ACSS3: variants seen among roughly 807,000 people sequenced by gnomAD.
The protein encoded by ACSS3 is acyl-CoA synthetase short-chain family member 3, mitochondrial.
Under a neutral mutation model 84.2 loss-of-function variants are expected in ACSS3, and 64 were observed. The ratio of observed to expected loss-of-function variants is 0.76; its 90% CI spans 0.62 to 0.94. The LOEUF (loss-of-function observed/expected upper bound fraction) is 0.94. ACSS3 is among the 40% of genes least tolerant of loss of function. The pLI is 0.00. For synonymous variants in ACSS3, 317 were observed against 310.1 expected (o/e 1.02, Z -0.23); for missense variants, 815 against 867.6 (o/e 0.94, Z 0.76).
intron 5 of ACSS3, among the ~76,000 whole-genome samples, chr12:81,150,624 A>G (rs1229313880): frequency 6.6e-6 from 1 of 152,218 alleles, no homozygotes; most frequent in African/African-American, 2.4e-5. Flanking sequence ...ATAGCTCTCA[A>G]ATACCAACAA....
chr12:81,213,996 TTTCTTTCTTTC>T (rs2032800024), intron 9 of ACSS3, among the ~76,000 whole-genome samples: 1 of 116,690 alleles, frequency 8.6e-6, no homozygotes, highest in African/African-American at 3.4e-5. Flanking sequence ...TCTTTCTTTC[TTTCTTTCTTTC>T]ATCTGTCTGT....
At chr12:81,102,978 TA>T (rs1250833914) in intron 1 of ACSS3, among the ~76,000 whole-genome samples, 1 of 152,230 alleles carries the variant, frequency 6.6e-6, no homozygotes, top group Non-Finnish European at 1.5e-5. Flanking sequence ...ACACATGTGT[TA>T]GATTGTGGGA....
intron 1 of ACSS3, among the ~76,000 whole-genome samples, chr12:81,107,425 G>A (rs1883105825): frequency 6.9e-6 from 1 of 145,902 alleles, no homozygotes; most frequent in Non-Finnish European, 1.5e-5. Context: ...TAAAGGAAAA[G>A]AGAATAATGA....
rs151073811 is a variant in ACSS3 at position 81,194,841 on chromosome 12, G to A, written c.1251-4500G>A. Among the ~76,000 whole-genome samples the A allele has an allele frequency of 1.0e-3, 151 of 148,174 alleles. 4 individuals are homozygous for A. The South Asian group carries it at 0.026, about 26-fold the overall frequency. On this transcript the variant is annotated intron_variant, in intron 8 of 15. Transcript: ENST00000548058. ...ACTTAGATTAATTGTAGTTTGTGTG[G>A]TAGAGACTGGGGGATAGTCAAAAAA...
chr12:81,092,723 T>C (rs1881748867), intron 1 of ACSS3, among the ~76,000 whole-genome samples: 1 of 152,146 alleles, frequency 6.6e-6, no homozygotes, highest in Non-Finnish European at 1.5e-5. Flanking sequence ...AATGAGATCT[T>C]CGATAATTGA....
chr12:81,134,324 A>G (rs1243402688), intron 2 of ACSS3, among the ~76,000 whole-genome samples: 2 of 152,088 alleles, frequency 1.3e-5, no homozygotes, highest in Non-Finnish European at 2.9e-5. Context: ...TATTTGCTTT[A>G]TTAGTGTTTA....
intron 8 of ACSS3, among the ~76,000 whole-genome samples, chr12:81,191,607 G>A (rs1457855568): frequency 6.6e-6 from 1 of 152,160 alleles, no homozygotes; most frequent in Non-Finnish European, 1.5e-5. Flanking sequence ...TCAATTTCCT[G>A]TGATGCAGAC....
chr12:81,159,758 A>C (rs1887060409), intron 7 of ACSS3, among the ~76,000 whole-genome samples: 1 of 152,246 alleles, frequency 6.6e-6, no homozygotes, highest in Admixed American at 6.5e-5. Context: ...AAACAAATTT[A>C]GCTAACAGCC....
chr12:81,127,922 TC>T (rs1885216466), intron 2 of ACSS3, among the ~76,000 whole-genome samples: 1 of 152,168 alleles, frequency 6.6e-6, no homozygotes, highest in Non-Finnish European at 1.5e-5. Flanking sequence ...GAGCATCTGG[TC>T]ACAAAGTTAT....
At chr12:81,100,047 G>A (rs12301355) in intron 1 of ACSS3, among the ~76,000 whole-genome samples, 8,058 of 152,122 alleles carry the variant, frequency 0.053, 347 homozygotes, top group African/African-American at 0.11. Flanking sequence ...TAGAATGGGT[G>A]AAGTTAACAT....
intron 7 of ACSS3, among the ~76,000 whole-genome samples, chr12:81,173,431 A>G (rs1458284760): frequency 6.6e-6 from 1 of 152,200 alleles, no homozygotes; most frequent in East Asian, 1.9e-4. Flanking sequence ...AAGCAATAGA[A>G]CATAAAACAG....
intron 1 of ACSS3, among the ~76,000 whole-genome samples, chr12:81,102,224 A>G (rs1213540778): frequency 6.6e-6 from 1 of 152,150 alleles, no homozygotes; most frequent in Admixed American, 6.5e-5. Context: ...TTTGGTTACT[A>G]AAATCCTTCT....
intron 1 of ACSS3, among the ~76,000 whole-genome samples, chr12:81,106,970 C>G (rs1286974000): frequency 1.4e-5 from 2 of 141,434 alleles, no homozygotes; most frequent in East Asian, 4.2e-4. Context: ...GGAGGAGGAG[C>G]AAGTTTGCAG....
At chr12:81,239,354 G>GA (rs538094665) in intron 13 of ACSS3, among the ~76,000 whole-genome samples, 1 of 151,688 alleles carries the variant, frequency 6.6e-6, no homozygotes, top group South Asian at 2.1e-4. Flanking sequence ...CAGAGACAAG[G>GA]AAAAAACATA....
intron 13 of ACSS3, among the ~76,000 whole-genome samples, chr12:81,246,711 T>G (rs1204989375): frequency 6.6e-6 from 1 of 152,190 alleles, no homozygotes; most frequent in Non-Finnish European, 1.5e-5. Context: ...AACTACAATT[T>G]GAATGAAAGA....
At chr12:81,137,321 TCACACACACACACACACACACA>T (rs57701806) in intron 3 of ACSS3, among the ~76,000 whole-genome samples, 1 of 141,818 alleles carries the variant, frequency 7.1e-6, no homozygotes, top group South Asian at 2.3e-4. Context: ...TTTTCATCCA[TCACACACACACACACACACACA>T]CACACACACA....
chr12:81,107,515 T>C (rs12300160), intron 1 of ACSS3, among the ~76,000 whole-genome samples: 686 of 26,774 alleles, frequency 0.026, 15 homozygotes, highest in African/African-American at 0.062. Context: ...TATATACATA[T>C]ATATATATAT....
chr12:81,193,002 A>G (rs1412317037), intron 8 of ACSS3, among the ~76,000 whole-genome samples: 2 of 152,170 alleles, frequency 1.3e-5, no homozygotes, highest in African/African-American at 4.8e-5. Context: ...AGGGAGAGAG[A>G]GAGAGATGAG....
rs756175673 is a variant in ACSS3 at position 81,143,202 on chromosome 12, C to G, written c.876C>G (p.His292Gln). The G allele has an allele frequency of 1.2e-5, 20 of 1,612,944 alleles. No individual in the cohort carries two copies. Among genetic ancestry groups the G allele is most frequent in the Middle Eastern group, 1.6e-4 (1 of 6,078 alleles). The change falls in exon 5 of 16, where the codon CAC becomes CAG. Residue 292 changes from histidine to glutamine, a missense_variant. Transcript: ENST00000548058. ...SHDCVPVLSE[H>Q]PLYILYTSGT... ...ACTGTGTTCCTGTTCTTTCAGAACACCCACTGTATATTCTTTACACATCTG... is the reference window on the plus strand; with the variant it reads ...ACTGTGTTCCTGTTCTTTCAGAACAGCCACTGTATATTCTTTACACATCTG...
Sources: gnomAD v4.1 joint callset for allele counts (sites outside exome capture counted in the v4.1 genomes callset) on GRCh38, gnomAD v4.1.1 for gene constraint, MANE v1.5 for transcripts, NCBI Gene and HGNC (gene_info 2026-07-23, HGNC 2026-07-21) for gene names.